The following NPAP1 variants were observed in gnomAD, a reference collection of about 807,000 sequenced individuals.
NPAP1 encodes the protein nuclear pore associated protein 1.
For missense variants in NPAP1, 1,483 were observed against 1,454.5 expected, an observed-to-expected ratio of 1.02 and a Z score of -0.32; for synonymous variants, 616 against 581.4, an observed-to-expected ratio of 1.06 and a Z score of -0.86.
In NPAP1 at chr15:24,681,229, G is replaced by A. The variant is rs375117829; in HGVS notation, c.*1891G>A. 3 of 167,076 alleles carry A rather than the reference G, an allele frequency of 1.8e-5. No individual in the cohort carries two copies. The highest frequency in any genetic ancestry group is 7.2e-5 in the African/African-American group (3 of 41,442). 10.3% of individuals were successfully genotyped at this position (167,076 alleles called of 1,614,324 possible). ...ATAACAGTTGACTCAAACTTCAAAA[G>A]TCTCAATGAAATCAGTACTTTTACT... On this transcript the variant is annotated 3_prime_UTR_variant, in exon 1 of 1. Coordinates refer to ENST00000329468, the MANE Select transcript of NPAP1 (RefSeq NM_018958.3).
rs528388183 is a variant in NPAP1, at chr15:24,677,798, C to A, written c.1931C>A (p.Thr644Asn). 65 of 1,614,162 alleles carry A rather than the reference C, an allele frequency of 4.0e-5. 1 individual carries two copies. In the South Asian group the frequency reaches 6.8e-4, roughly 17 times the overall value. Residue 644 changes from threonine to asparagine, a missense_variant, in exon 1 of 1, where the codon ACC becomes AAC. Physicochemically the swap from Thr to Asn is moderately conservative, Grantham distance 65 (BLOSUM62 0). Transcript: ENST00000329468. Reference protein sequence around the residue: ...SFNQLFGKEATPQPKFEAPDG... With the variant: ...SFNQLFGKEANPQPKFEAPDG... ...AACCAACTCTTTGGAAAAGAAGCCA[C>A]CCCTCAGCCCAAATTTGAGGCTCCT...
At position 24,677,256 on chromosome 15, in the gene NPAP1, G is replaced by A. The variant is rs2141309937; in HGVS notation, c.1389G>A (p.Leu463=). 1 of 1,613,992 alleles carries A rather than the reference G, an allele frequency of 6.2e-7. No individual in the cohort carries two copies. The highest frequency in any genetic ancestry group is 8.5e-7 in the Non-Finnish European group (1 of 1,180,018). ...KIAFTIPNSP[L]ALPADLVPIL... ...CATTCACAATCCCTAACTCTCCTCTGGCTCTTCCTGCTGACCTTGTTCCCA... is the reference window on the plus strand; with the variant it reads ...CATTCACAATCCCTAACTCTCCTCTAGCTCTTCCTGCTGACCTTGTTCCCA... The change falls in exon 1 of 1, where the codon CTG becomes CTA. Residue 463 remains leucine (L), a synonymous_variant. Transcript: ENST00000329468.
chr15:24,677,911 G>A lies in NPAP1; in HGVS notation c.2044G>A (p.Val682Met), dbSNP rs755002738. Residue 682 changes from valine (V) to methionine (M), a missense_variant, in exon 1 of 1, where the codon GTG becomes ATG. Val to Met is a conservative substitution (Grantham distance 21). Transcript: ENST00000329468. ...TCCTCCTCCAGACACCTCCACTTTA[G>A]TGAACAGTGCCTCTACAGCATCATC... Reference protein sequence around the residue: ...IIPPPDTSTLVNSASTASSSK... With the variant: ...IIPPPDTSTLMNSASTASSSK... The A allele has an allele frequency of 1.2e-6, 2 of 1,613,618 alleles. No homozygotes were observed. The highest frequency in any genetic ancestry group is 4.5e-5 in the East Asian group (2 of 44,828).
Position 24,680,065 on chromosome 15 carries a change from G to A in NPAP1, c.*727G>A, listed in dbSNP as rs537885124. 14 of 171,634 alleles carry A rather than the reference G, an allele frequency of 8.2e-5. No individual in the cohort carries two copies. Among genetic ancestry groups the A allele is most frequent in the Non-Finnish European group, 1.4e-4 (10 of 72,242 alleles). The allele number at this position is 171,634 out of a possible 1,614,324, so 10.6% of individuals were successfully genotyped here. ...GGCTGGAGTGTAGTAGCACAATCTC[G>A]GCTCACTGCAACCTCCACCTCCTGG... On this transcript the variant is annotated 3_prime_UTR_variant, in exon 1 of 1. Transcript: ENST00000329468.
the NPAP1 span, chr15:24,679,201 G>T: frequency 6.2e-7 from 1 of 1,614,090 alleles, no homozygotes; most frequent in Non-Finnish European, 8.5e-7. Context: ...ATCCATAGTT[G>T]GAGGCCCTTG....
chr15:24,676,568 T>C lies in NPAP1; in HGVS notation c.701T>C (p.Leu234Ser). Residue 234 changes from leucine to serine, a missense_variant, in exon 1 of 1, where the codon TTG becomes TCG. Physicochemically the swap from Leu to Ser is moderately radical, Grantham distance 145. Transcript: ENST00000329468. ...KAQASPASSC[L>S]EGPAMPSTHS... ...CAGGCGTCTCCAGCGAGCTCCTGCTTGGAAGGCCCTGCCATGCCCAGCACA... is the reference window on the plus strand; with the variant it reads ...CAGGCGTCTCCAGCGAGCTCCTGCTCGGAAGGCCCTGCCATGCCCAGCACA... 1 of 1,613,952 alleles carries C rather than the reference T, an allele frequency of 6.2e-7. No homozygotes were observed. The highest frequency in any genetic ancestry group is 8.5e-7 in the Non-Finnish European group (1 of 1,179,986).
rs143409729 is a variant in NPAP1 at position 24,676,286 on chromosome 15, C to T, written c.419C>T (p.Pro140Leu). 29 of 1,519,130 alleles carry T rather than the reference C, an allele frequency of 1.9e-5. No individual in the cohort carries two copies. The African/African-American group carries it at 3.9e-4, about 20-fold the overall frequency. The allele number at this position is 1,519,130 out of a possible 1,614,324, so 94.1% of individuals were successfully genotyped here. ...GAGCCGGCGGTCAAGGCCAGGAAGC[C>T]CATCCCAGCCACTCTCCTGGAGGAG... ...PREPAVKARKPIPATLLEETE... is the reference protein window; with the variant it reads ...PREPAVKARKLIPATLLEETE... Residue 140 changes from proline (P) to leucine (L), a missense_variant, in exon 1 of 1, where the codon CCC becomes CTC. Pro to Leu is a moderately conservative substitution (Grantham distance 98). Transcript: ENST00000329468.
chr15:24,676,650 GCCC>G lies in NPAP1; in HGVS notation c.786_788del (p.Pro263del). 1 of 1,613,836 alleles carries G rather than the reference GCCC, an allele frequency of 6.2e-7. No individual in the cohort carries two copies. The highest frequency in any genetic ancestry group is 8.5e-7 in the Non-Finnish European group (1 of 1,180,034). On this transcript the variant is annotated inframe_deletion, in exon 1 of 1. Transcript: ENST00000329468. ...GAAAGCCTGATCCGGATGCAACAGCGCCCCCTGAGCCAGCCGTTGGCTGCTCCC... is the reference window on the plus strand; with the variant it reads ...GAAAGCCTGATCCGGATGCAACAGCGCCTGAGCCAGCCGTTGGCTGCTCCC...
rs1368451924 is a variant in NPAP1, at chr15:24,677,503, A to C, written c.1636A>C (p.Lys546Gln). Residue 546 changes from lysine to glutamine, a missense_variant, in exon 1 of 1, where the codon AAG (lysine) becomes CAG (glutamine). Lys to Gln is a moderately conservative substitution (Grantham distance 53, BLOSUM62 1). Coordinates refer to ENST00000329468, the MANE Select transcript of NPAP1 (RefSeq NM_018958.3). Reference protein sequence around the residue: ...PSTGTSVITSKPMNSTSVIST... With the variant: ...PSTGTSVITSQPMNSTSVIST... ...CACCGGGACCTCAGTTATCACCAGC[A>C]AGCCTATGAATTCCACGTCAGTCAT... 6.2e-7 allele frequency: 1 copy of C among 1,614,098 alleles called. No individual in the cohort carries two copies. Among genetic ancestry groups the C allele is most frequent in the Non-Finnish European group, 8.5e-7 (1 of 1,180,034 alleles).
At chr15:24,675,962 CCTCCCCGCCCGGTCGGGCTCACTCTGTA>C in the NPAP1 span, 1 of 1,591,672 alleles carries the variant, frequency 6.3e-7, no homozygotes, top group Non-Finnish European at 8.5e-7. Flanking sequence ...TCCCGGGACG[CCTCCCCGCCCGGTCGGGCTCACTCTGTA>C]CCCACCCCGC....
In NPAP1 at chr15:24,679,517, G is replaced by A. The variant is rs750971492; in HGVS notation, c.*179G>A. The A allele has an allele frequency of 2.3e-5, 14 of 616,592 alleles. No individual in the cohort carries two copies. The highest frequency in any genetic ancestry group is 2.9e-5 in the Non-Finnish European group (10 of 340,220). 38.2% of individuals were successfully genotyped at this position (616,592 alleles called of 1,614,324 possible). The stretch of plus-strand genomic sequence containing the variant: ...CAACATCCCTGTGCTCCCTTTCTCT[G>A]TCAGTACACATGGGTCCCACCTGGA... On this transcript the variant is annotated 3_prime_UTR_variant, in exon 1 of 1. Coordinates refer to ENST00000329468, the MANE Select transcript of NPAP1 (RefSeq NM_018958.3).
chr15:24,677,756 A>G lies in NPAP1; in HGVS notation c.1889A>G (p.Asn630Ser), dbSNP rs761493345. ...TCCCCACTTCCATTTATATTCCACA[A>G]TACCACCCCAAGTTTTAACCAACTC... Reference protein sequence around the residue: ...YTSPLPFIFHNTTPSFNQLFG... With the variant: ...YTSPLPFIFHSTTPSFNQLFG... Residue 630 changes from asparagine (N) to serine (S), a missense_variant, in exon 1 of 1, where the codon AAT becomes AGT. Physicochemically the swap from Asn to Ser is conservative, Grantham distance 46. Transcript: ENST00000329468. The G allele has an allele frequency of 6.8e-6, 11 of 1,613,876 alleles. No homozygotes were observed. Among genetic ancestry groups the G allele is most frequent in the Non-Finnish European group, 8.5e-6 (10 of 1,180,010 alleles).
At position 24,676,815 on chromosome 15, in the gene NPAP1, T is replaced by A. The variant is rs568163259; in HGVS notation, c.948T>A (p.Ala316=). The A allele has an allele frequency of 1.9e-6, 3 of 1,613,042 alleles. No individual in the cohort carries two copies. Among genetic ancestry groups the A allele is most frequent in the South Asian group, 2.2e-5 (2 of 91,072 alleles). ...KPFCIPPRSA[A]PPRAARNRPC... is the part of the protein sequence containing the mutation. ...TCTGTATTCCTCCAAGGAGCGCTGCTCCTCCCAGAGCTGCCCGCAACAGGC... is the reference window on the plus strand; with the variant it reads ...TCTGTATTCCTCCAAGGAGCGCTGCACCTCCCAGAGCTGCCCGCAACAGGC... The change falls in exon 1 of 1, where the codon GCT becomes GCA. Residue 316 remains alanine, a synonymous_variant. Transcript: ENST00000329468.
In NPAP1 at chr15:24,677,549, C is replaced by T. The variant is rs1245221183; in HGVS notation, c.1682C>T (p.Ala561Val). The T allele has an allele frequency of 3.1e-6, 5 of 1,614,164 alleles. No homozygotes were observed. The highest frequency in any genetic ancestry group is 3.4e-6 in the Non-Finnish European group (4 of 1,180,032). Reference protein sequence around the residue: ...TSVISTVTTNASAHLTSQTAV... With the variant: ...TSVISTVTTNVSAHLTSQTAV... Reference sequence around the variant, plus strand: ...GTCATTTCCACTGTCACAACAAACGCATCTGCCCACCTAACCTCACAGACT... The same window carrying T: ...GTCATTTCCACTGTCACAACAAACGTATCTGCCCACCTAACCTCACAGACT... Residue 561 changes from alanine (A) to valine (V), a missense_variant, in exon 1 of 1, where the codon GCA becomes GTA. By Grantham distance (64) the Ala-to-Val change is moderately conservative. Transcript: ENST00000329468.
chr15:24,679,139 T>G, the NPAP1 span: 1 of 1,614,218 alleles, frequency 6.2e-7, no homozygotes. Flanking sequence ...ATTCCTGGTT[T>G]AGACCCACCT....
In NPAP1 at chr15:24,676,177, A is replaced by G. The variant is rs766182875; in HGVS notation, c.310A>G (p.Asn104Asp). Residue 104 changes from asparagine (N) to aspartate (D), a missense_variant, in exon 1 of 1, where the codon AAC becomes GAC. Asn to Asp is a conservative substitution (Grantham distance 23, BLOSUM62 1). Transcript: ENST00000329468. Reference sequence around the variant, plus strand: ...GAAGACACCCATGCTGCCTGCTCGGAACCCCCCGAGGTTTGGACACCCCAG... The same window carrying G: ...GAAGACACCCATGCTGCCTGCTCGGGACCCCCCGAGGTTTGGACACCCCAG... ...IRKTPMLPAR[N>D]PPRFGHPSSV... 3.8e-6 allele frequency: 6 copies of G among 1,572,902 alleles called. No individual in the cohort carries two copies. The highest frequency in any genetic ancestry group is 5.2e-6 in the Non-Finnish European group (6 of 1,161,642).
chr15:24,676,854 A>C lies in NPAP1; in HGVS notation c.987A>C (p.Lys329Asn), dbSNP rs549847905. 6.2e-6 allele frequency: 10 copies of C among 1,613,180 alleles called. No individual in the cohort carries two copies. The highest frequency in any genetic ancestry group is 2.7e-5 in the African/African-American group (2 of 75,000). The change falls in exon 1 of 1, where the codon AAA becomes AAC. Residue 329 changes from lysine to asparagine, a missense_variant. By Grantham distance (94) the Lys-to-Asn change is moderately conservative. Transcript: ENST00000329468. ...RAARNRPCKR[K>N]MSIPLLLPLP... is the part of the protein sequence containing the mutation. ...CCCGCAACAGGCCCTGCAAAAGGAAAATGTCGATTCCATTGCTGCTGCCGC... is the reference window on the plus strand; with the variant it reads ...CCCGCAACAGGCCCTGCAAAAGGAACATGTCGATTCCATTGCTGCTGCCGC...
In NPAP1 at chr15:24,676,440, C is replaced by T. The variant is rs752871868; in HGVS notation, c.573C>T (p.Ser191=). The T allele has an allele frequency of 5.0e-6, 8 of 1,612,328 alleles. No individual in the cohort carries two copies. In the Admixed American group the frequency reaches 1.3e-4, roughly 27 times the overall value. The part of the protein sequence containing the change: ...SSGEASSTSR[S]QGTQGDVASF... ...GAGAAGCATCGTCCACATCCAGGTCCCAGGGCACCCAGGGAGACGTGGCCT... is the reference window on the plus strand; with the variant it reads ...GAGAAGCATCGTCCACATCCAGGTCTCAGGGCACCCAGGGAGACGTGGCCT... Residue 191 remains serine (S), a synonymous_variant, in exon 1 of 1, where the codon TCC becomes TCT. Coordinates refer to ENST00000329468, the MANE Select transcript of NPAP1 (RefSeq NM_018958.3).
rs375083307 is a variant in NPAP1 at position 24,676,484 on chromosome 15, G to C, written c.617G>C (p.Gly206Ala). 1.2e-6 allele frequency: 2 copies of C among 1,614,094 alleles called. No homozygotes were observed. The highest frequency in any genetic ancestry group is 2.2e-5 in the South Asian group (2 of 91,076). ...GDVASFRCSP[G>A]PLEGNVYHKF... is the part of the protein sequence containing the mutation. ...GTGGCCTCCTTCAGATGCAGCCCTG[G>C]GCCTCTGGAGGGAAATGTCTACCAC... Residue 206 changes from glycine (G) to alanine (A), a missense_variant, in exon 1 of 1, where the codon GGG becomes GCG. Transcript: ENST00000329468.
Sources: allele counts gnomAD v4.1 joint callset, GRCh38; gene constraint gnomAD v4.1.1; transcripts MANE v1.5; gene names NCBI Gene and HGNC (gene_info 2026-07-23, HGNC 2026-07-21).